Variants in BANP observed in about 807,000 individuals in gnomAD.
BANP encodes the protein BTG3 associated nuclear protein.
In BANP, 11 loss-of-function variants were observed where a neutral mutation model predicts 68.1. The observed-to-expected ratio is 0.16, with a 90% confidence interval of 0.10 to 0.27. The LOEUF is 0.27. Among genes scored for constraint, BANP ranks in the 10% least tolerant of loss-of-function variants. The probability of loss-of-function intolerance (pLI) is 1.00; values close to 1 mark genes in which losing one functional copy is unlikely to be tolerated. For missense variants in BANP, 504 were observed against 722.7 expected, an observed-to-expected ratio of 0.70 and a Z score of 3.47; for synonymous variants, 329 against 303.2, an observed-to-expected ratio of 1.09 and a Z score of -0.88.
chr16:88,006,921 T>C (rs8045815), intron 6 of BANP, among the ~76,000 whole-genome samples: 145,059 of 146,404 alleles, frequency 0.99, 71,866 homozygotes, highest in East Asian at 1. Flanking sequence ...CACTGTACTC[T>C]AGCCTGGGCG....
chr16:88,048,031 C>T (rs2082396100), intron 11 of BANP, among the ~76,000 whole-genome samples: 1 of 152,228 alleles, frequency 6.6e-6, no homozygotes. Context: ...ACGTGCAGGG[C>T]CGGCTCAAAG....
chr16:87,989,320 G>A (rs1172433128), intron 4 of BANP, among the ~76,000 whole-genome samples: 3 of 152,204 alleles, frequency 2.0e-5, no homozygotes, highest in African/African-American at 7.2e-5. Context: ...GTAGTGACCC[G>A]AGGTTTTAAC....
intron 8 of BANP, among the ~76,000 whole-genome samples, chr16:88,029,025 G>C (rs867941931): frequency 6.6e-6 from 1 of 152,318 alleles, no homozygotes; most frequent in Middle Eastern, 3.4e-3. Flanking sequence ...AAGTCAGGGA[G>C]CCCAGGCGTG....
At position 88,071,324 on chromosome 16, in the gene BANP, G is replaced by A. The variant is rs145301683; in HGVS notation, c.1378-745G>A. On this transcript the variant is annotated intron_variant, in intron 12 of 13. Transcript: ENST00000682872. This position sits in a 1 kb window ranked among gnomAD's most constrained non-coding sequence, Gnocchi z 6.5. ...GCCTGCCTGGGCCGTCTTGACACCG[G>A]AGCTGCCTGCCTGGATGTTGGAGCG... The A allele has an allele frequency of 1.5e-3, 579 of 373,680 alleles. 2 individuals carry two copies. Among genetic ancestry groups the A allele is most frequent in the African/African-American group, 0.011 (525 of 47,502 alleles). 23.1% of individuals were successfully genotyped at this position (373,680 alleles called of 1,614,324 possible).
rs1410639593 is a variant in BANP, at chr16:88,018,720, A to T, written c.895+53A>T. 6.6e-7 allele frequency: 1 copy of T among 1,521,938 alleles called. No individual in the cohort carries two copies. The highest frequency in any genetic ancestry group is 8.9e-7 in the Non-Finnish European group (1 of 1,128,904). 94.3% of individuals were successfully genotyped at this position (1,521,938 alleles called of 1,614,324 possible). On this transcript the variant is annotated intron_variant, in intron 7 of 13. Coordinates refer to ENST00000682872, the MANE Select transcript of BANP (RefSeq NM_001386991.1). This position sits in a 1 kb window ranked among gnomAD's most constrained non-coding sequence, Gnocchi z 7.7. Reference sequence around the variant, plus strand: ...GGGGTGTGCGGGGAGCTGGGTCAGGACCCACATTTCAATGCTGAGGACGCT... The same window carrying T: ...GGGGTGTGCGGGGAGCTGGGTCAGGTCCCACATTTCAATGCTGAGGACGCT...
At chr16:87,982,532 A>G (rs1305497239) in intron 3 of BANP, 2 of 152,238 alleles carry the variant, frequency 1.3e-5, no homozygotes, top group African/African-American at 4.8e-5. Context: ...CATGTTTGTC[A>G]TGCCAGGGAC....
intron 1 of BANP, among the ~76,000 whole-genome samples, chr16:87,967,762 C>T (rs114700275): frequency 0.011 from 1,749 of 152,124 alleles, 34 homozygotes; most frequent in African/African-American, 0.039. Flanking sequence ...GCTGGGAATA[C>T]AGGGCGTGTG....
At chr16:87,971,281 T>C (rs1295908011) in intron 1 of BANP, among the ~76,000 whole-genome samples, 2 of 142,862 alleles carry the variant, frequency 1.4e-5, no homozygotes, top group Non-Finnish European at 3.2e-5. Flanking sequence ...GTCTCAGTCC[T>C]GCGTGGAGAT....
Position 88,001,946 on chromosome 16 carries a change from C to T in BANP, c.363-2349C>T, listed in dbSNP as rs182554011. 6.1e-4 allele frequency among the ~76,000 whole-genome samples: 93 copies of T among 151,952 alleles called. 1 individual carries two copies. Among genetic ancestry groups the T allele is most frequent in the Admixed American group, 5.7e-3 (87 of 15,264 alleles). On this transcript the variant is annotated intron_variant, in intron 4 of 13. Coordinates refer to ENST00000682872, the MANE Select transcript of BANP (RefSeq NM_001386991.1). ...AACAAAAAAACAAAAAAAAAAAAACCTTCTGGATTGAAGGTTCAATCCAGA... is the reference window on the plus strand; with the variant it reads ...AACAAAAAAACAAAAAAAAAAAAACTTTCTGGATTGAAGGTTCAATCCAGA...
At chr16:88,066,972 C>T (rs1409186861) in intron 12 of BANP, among the ~76,000 whole-genome samples, 2 of 152,188 alleles carry the variant, frequency 1.3e-5, no homozygotes, top group Non-Finnish European at 2.9e-5. Flanking sequence ...CCACAGCGGC[C>T]TAGACATTTT....
rs764738976 is a variant in BANP at position 88,035,391 on chromosome 16, C to T, written c.1269C>T (p.Ser423=). The change falls in exon 10 of 14, where the codon AGC becomes AGT. Residue 423 remains serine (S), a synonymous_variant. Coordinates refer to ENST00000682872, the MANE Select transcript of BANP (RefSeq NM_001386991.1). ...AGCAAGTCCAGATCACGCAGGACAG[C>T]GAGGTGAGTCAGCTCTCGCTGCAGC... ...QGEQVQITQD[S]EGNLQIHHVG... 9.9e-6 allele frequency: 16 copies of T among 1,608,316 alleles called. No homozygotes were observed. The highest frequency in any genetic ancestry group is 8.9e-5 in the South Asian group (8 of 89,894).
chr16:88,013,499 C>T (rs1014198393), intron 6 of BANP, among the ~76,000 whole-genome samples: 7 of 151,792 alleles, frequency 4.6e-5, no homozygotes, highest in South Asian at 2.1e-4. Flanking sequence ...GTTCCTAGAC[C>T]GCTGCCCGCA....
rs1555533448 is a variant in BANP, at chr16:87,961,410, C to CG, written c.-69+9895_-69+9896insG. Among the ~76,000 whole-genome samples the CG allele has an allele frequency of 1.4e-5, 2 of 140,422 alleles. 1 individual carries two copies. Among genetic ancestry groups the CG allele is most frequent in the African/African-American group, 5.0e-5 (2 of 39,900 alleles). 92.1% of individuals were successfully genotyped at this position (140,422 alleles called of 152,430 possible). ...AACTCCTGGACTCACAGAATCTGCA[C>CG]CCCCCCGGGCCTCCCAAAGTGCTGG... is the stretch of plus-strand genomic sequence containing the variant. On this transcript the variant is annotated intron_variant, in intron 1 of 13. Coordinates refer to ENST00000682872, the MANE Select transcript of BANP (RefSeq NM_001386991.1).
Position 88,036,535 on chromosome 16 carries a change from C to G in BANP, c.1272+1141C>G, listed in dbSNP as rs2079410480. Among the ~76,000 whole-genome samples, 1 of 152,134 alleles carries G rather than the reference C, an allele frequency of 6.6e-6. No homozygotes were observed. The highest frequency in any genetic ancestry group is 2.4e-5 in the African/African-American group (1 of 41,408). ...TGGAGCACCAGGGACTCGGGCGTGT[C>G]TGCTGGCAGTGGCTTTAATTTGGAC... On this transcript the variant is annotated intron_variant, in intron 10 of 13. Transcript: ENST00000682872. This position sits in a 1 kb window ranked among gnomAD's most constrained non-coding sequence, Gnocchi z 4.2.
intron 2 of BANP, among the ~76,000 whole-genome samples, chr16:87,979,877 C>T (rs373509111): frequency 6.6e-6 from 1 of 152,080 alleles, no homozygotes; most frequent in Admixed American, 6.5e-5. Flanking sequence ...TGGGGGGTCC[C>T]TTGAGTACAG....
intron 11 of BANP, among the ~76,000 whole-genome samples, chr16:88,050,338 G>T (rs1291543872): frequency 6.6e-6 from 1 of 151,966 alleles, no homozygotes; most frequent in East Asian, 1.9e-4. Context: ...GTATTTTTTT[G>T]TAGAGACAGG....
intron 1 of BANP, among the ~76,000 whole-genome samples, chr16:87,966,543 G>GC (rs1218151073): frequency 6.6e-6 from 1 of 152,148 alleles, no homozygotes; most frequent in African/African-American, 2.4e-5. Flanking sequence ...CTTGATCCTG[G>GC]CAACAGAGGC....
chr16:88,053,605 C>T, intron 11 of BANP, among the ~76,000 whole-genome samples: 1 of 142,776 alleles, frequency 7.0e-6, no homozygotes, highest in African/African-American at 2.7e-5. Flanking sequence ...CACAACCACC[C>T]TAACGACTAC....
intron 13 of BANP, among the ~76,000 whole-genome samples, chr16:88,076,193 AG>A (rs1247117978): frequency 6.6e-6 from 1 of 152,242 alleles, no homozygotes. Context: ...CAGTGTTTAT[AG>A]GAAGGCAAAA....
Sources: allele counts gnomAD v4.1 joint callset (sites outside exome capture counted in the v4.1 genomes callset), GRCh38; gene constraint gnomAD v4.1.1; non-coding constraint Gnocchi (gnomAD v3.1); transcripts MANE v1.5; gene names NCBI Gene and HGNC (gene_info 2026-07-23, HGNC 2026-07-21).